NKAIN2: variants seen among roughly 807,000 people sequenced by gnomAD.
NKAIN2 encodes sodium/potassium-transporting ATPase subunit beta-1-interacting protein 2.
Under a neutral mutation model 32.6 loss-of-function variants are expected in NKAIN2, and 14 were observed. That is an observed-to-expected ratio of 0.43 (90% CI 0.28 to 0.67). NKAIN2 has a LOEUF of 0.67. Among genes scored for constraint, NKAIN2 ranks in the 30% least tolerant of loss-of-function variants. The pLI is 0.17. For missense variants in NKAIN2, 198 were observed against 258.3 expected, an observed-to-expected ratio of 0.77 and a Z score of 1.60; for synonymous variants, 80 against 87.2, an observed-to-expected ratio of 0.92 and a Z score of 0.46.
intron 3 of NKAIN2, among the ~76,000 whole-genome samples, chr6:124,612,417 T>C (rs1338021102): frequency 6.6e-6 from 1 of 152,226 alleles, no homozygotes; most frequent in African/African-American, 2.4e-5. Flanking sequence ...TAATTTTTTA[T>C]ATGCATTGCA....
At chr6:124,340,520 C>G (rs537848820) in intron 2 of NKAIN2, among the ~76,000 whole-genome samples, 1 of 152,192 alleles carries the variant, frequency 6.6e-6, no homozygotes, top group East Asian at 1.9e-4. Context: ...CTGCTCCTCT[C>G]CCTCCTCCCA....
intron 1 of NKAIN2, among the ~76,000 whole-genome samples, chr6:123,923,707 C>T (rs569823995): frequency 5.4e-5 from 8 of 146,836 alleles, no homozygotes; most frequent in South Asian, 4.3e-4. Context: ...AACCAAACAC[C>T]GCATATTCTC....
intron 4 of NKAIN2, among the ~76,000 whole-genome samples, chr6:124,718,466 T>C (rs2875776): frequency 0.32 from 48,667 of 152,170 alleles, 9,752 homozygotes; most frequent in Admixed American, 0.43. Context: ...ACATTTTGCT[T>C]ATCTGTTCAC....
chr6:124,192,894 C>T (rs1050377453), intron 1 of NKAIN2, among the ~76,000 whole-genome samples: 3 of 151,972 alleles, frequency 2.0e-5, no homozygotes, highest in Non-Finnish European at 2.9e-5. Context: ...GGACTACAGG[C>T]GCCCGCCACC....
chr6:124,761,950 C>T (rs1456524489), intron 4 of NKAIN2, among the ~76,000 whole-genome samples: 1 of 152,100 alleles, frequency 6.6e-6, no homozygotes, highest in East Asian at 1.9e-4. Context: ...TCCTTTATCT[C>T]CTTATCCCTC....
At chr6:124,709,339 T>C (rs1348814772) in intron 4 of NKAIN2, among the ~76,000 whole-genome samples, 1 of 150,350 alleles carries the variant, frequency 6.7e-6, no homozygotes, top group South Asian at 2.1e-4. Context: ...GGTATCAGAA[T>C]GATGCTGGCC....
intron 2 of NKAIN2, among the ~76,000 whole-genome samples, chr6:124,333,860 G>A (rs1476633655): frequency 6.6e-6 from 1 of 151,954 alleles, no homozygotes; most frequent in Non-Finnish European, 1.5e-5. Context: ...AAATCAAAAG[G>A]ATATTTTATT....
intron 1 of NKAIN2, among the ~76,000 whole-genome samples, chr6:123,915,549 A>G (rs1775445804): frequency 6.6e-6 from 1 of 152,178 alleles, no homozygotes; most frequent in Admixed American, 6.5e-5. Context: ...GAGTGACTCA[A>G]CGTTGTTTCA....
At chr6:124,139,474 A>C (rs1004549070) in intron 1 of NKAIN2, among the ~76,000 whole-genome samples, 4 of 152,216 alleles carry the variant, frequency 2.6e-5, no homozygotes, top group African/African-American at 7.2e-5. Flanking sequence ...GCTATGTGAG[A>C]AAAACATCTT....
At chr6:124,507,534 C>A (rs113877967) in intron 3 of NKAIN2, among the ~76,000 whole-genome samples, 1 of 152,084 alleles carries the variant, frequency 6.6e-6, no homozygotes, top group Non-Finnish European at 1.5e-5. Context: ...TTAATTGCAT[C>A]TAAACATTTC....
intron 1 of NKAIN2, among the ~76,000 whole-genome samples, chr6:123,908,409 T>C (rs947376419): frequency 2.0e-5 from 3 of 152,200 alleles, no homozygotes; most frequent in African/African-American, 7.2e-5. Context: ...GAAATAAATC[T>C]GGGACTCTTG....
At chr6:124,569,184 G>C (rs6905796) in intron 3 of NKAIN2, among the ~76,000 whole-genome samples, 33,237 of 151,972 alleles carry the variant, frequency 0.22, 3,860 homozygotes, top group East Asian at 0.39. Flanking sequence ...TCTTAAATTG[G>C]CCTTCTTTCC....
intron 3 of NKAIN2, among the ~76,000 whole-genome samples, chr6:124,537,322 A>G (rs983058701): frequency 1.3e-5 from 2 of 152,202 alleles, no homozygotes; most frequent in Admixed American, 6.5e-5. Context: ...CTTGTTCTAC[A>G]TGTGATGAAA....
intron 1 of NKAIN2, among the ~76,000 whole-genome samples, chr6:123,979,647 C>T (rs943283899): frequency 2.0e-5 from 3 of 152,180 alleles, no homozygotes; most frequent in Non-Finnish European, 4.4e-5. Context: ...AATAAAATCC[C>T]ATTGCCCAGG....
intron 3 of NKAIN2, among the ~76,000 whole-genome samples, chr6:124,572,705 C>A (rs1024159888): frequency 2.0e-5 from 3 of 151,178 alleles, no homozygotes; most frequent in Admixed American, 6.6e-5. Context: ...GAGTTCATCC[C>A]AGAAACATAA....
chr6:124,015,981 C>T (rs1780553751), intron 1 of NKAIN2, among the ~76,000 whole-genome samples: 1 of 152,064 alleles, frequency 6.6e-6, no homozygotes, highest in African/African-American at 2.4e-5. Flanking sequence ...GTGCCCTGAT[C>T]TGTGGATTCA....
intron 2 of NKAIN2, among the ~76,000 whole-genome samples, chr6:124,305,982 C>T (rs1242423330): frequency 6.6e-6 from 1 of 151,886 alleles, no homozygotes; most frequent in Non-Finnish European, 1.5e-5. Flanking sequence ...CCCAATTGTC[C>T]TTACTCTTCA....
intron 1 of NKAIN2, among the ~76,000 whole-genome samples, chr6:123,900,335 C>T (rs1407972509): frequency 2.6e-5 from 4 of 151,524 alleles, no homozygotes; most frequent in Non-Finnish European, 4.4e-5. Flanking sequence ...TAGCTAGGCA[C>T]GGTGGCACGT....
intron 1 of NKAIN2, among the ~76,000 whole-genome samples, chr6:123,824,371 G>T (rs1162372139): frequency 6.6e-6 from 1 of 152,080 alleles, no homozygotes; most frequent in Non-Finnish European, 1.5e-5. Flanking sequence ...AGAGGACAAG[G>T]TGAAGAAAGA....
Sources: gnomAD v4.1 joint callset for allele counts (sites outside exome capture counted in the v4.1 genomes callset) on GRCh38, gnomAD v4.1.1 for gene constraint, MANE v1.5 for transcripts, NCBI Gene and HGNC (gene_info 2026-07-23, HGNC 2026-07-21) for gene names.